Variants in ARHGEF4 observed in about 807,000 individuals in gnomAD.
ARHGEF4 encodes the protein APC-stimulated guanine nucleotide exchange factor 1.
ARHGEF4 carries 119 observed loss-of-function variants against 162.0 expected under a neutral mutation model. The ratio of observed to expected loss-of-function variants is 0.73; its 90% CI spans 0.63 to 0.86. The LOEUF is 0.86. Among genes scored for constraint, ARHGEF4 ranks in the 40% least tolerant of loss-of-function variants. ARHGEF4 has a pLI of 0.00. For missense variants in ARHGEF4, 2,488 were observed against 2,456.0 expected (o/e 1.01, Z -0.28); for synonymous variants, 1,014 against 979.9 (o/e 1.03, Z -0.65).
At position 130,916,613 on chromosome 2, in the gene ARHGEF4, C is replaced by T. The variant is rs1052025924; in HGVS notation, c.2667C>T (p.Ser889=). ...TSGDLGSRGP[S]SESCNAKRLK... is the part of the protein sequence containing the mutation. ...GGGATCTTGGTAGCCGAGGGCCTTC[C>T]TCTGAGAGCTGCAACGCAAAGAGAC... The change falls in exon 2 of 14, where the codon TCC becomes TCT. Residue 889 remains serine, a synonymous_variant. Coordinates refer to ENST00000409359, the MANE Select transcript of ARHGEF4 (RefSeq NM_001367493.1). 1.3e-6 allele frequency: 2 copies of T among 1,550,558 alleles called. No homozygotes were observed. The highest frequency in any genetic ancestry group is 3.9e-5 in the Admixed American group (2 of 51,006).
intron 4 of ARHGEF4, chr2:131,012,047 A>C: frequency 1.6e-6 from 1 of 644,936 alleles, no homozygotes. Flanking sequence ...ATCCTTGCCA[A>C]GATTTTTGTT....
intron 1 of ARHGEF4, among the ~76,000 whole-genome samples, chr2:130,864,286 T>G (rs1682105217): frequency 6.6e-6 from 1 of 151,900 alleles, no homozygotes; most frequent in Non-Finnish European, 1.5e-5. Context: ...CAGGAGCCAG[T>G]CACAAAGAAC....
At chr2:130,913,650 G>A (rs1681324004) in intron 1 of ARHGEF4, among the ~76,000 whole-genome samples, 1 of 152,184 alleles carries the variant, frequency 6.6e-6, no homozygotes, top group South Asian at 2.1e-4. Context: ...CCTTCTTGCT[G>A]AAAACGTTAG....
chr2:131,034,301 CACTG>C (rs1170715057), intron 5 of ARHGEF4, among the ~76,000 whole-genome samples: 1 of 152,228 alleles, frequency 6.6e-6, no homozygotes, highest in African/African-American at 2.4e-5. Context: ...CAGAAGGACA[CACTG>C]ACTGTACCTG....
chr2:130,937,162 C>T (rs987387850), intron 3 of ARHGEF4, among the ~76,000 whole-genome samples: 3 of 145,008 alleles, frequency 2.1e-5, no homozygotes, highest in Admixed American at 7.0e-5. Context: ...CTTCCCCCCT[C>T]GGCCTCCCAA....
intron 1 of ARHGEF4, among the ~76,000 whole-genome samples, chr2:130,900,631 G>A (rs1412901494): frequency 6.6e-6 from 1 of 152,046 alleles, no homozygotes; most frequent in Admixed American, 6.5e-5. Flanking sequence ...GCAGTTTTCT[G>A]GTGGCTGCTT....
At chr2:130,841,231 AT>A (rs1319647413) in intron 1 of ARHGEF4, among the ~76,000 whole-genome samples, 1 of 151,858 alleles carries the variant, frequency 6.6e-6, no homozygotes, top group Non-Finnish European at 1.5e-5. Flanking sequence ...TGCCTGACTA[AT>A]TTTTTGTATT....
intron 4 of ARHGEF4, among the ~76,000 whole-genome samples, chr2:131,002,047 T>G (rs958062223): frequency 6.6e-6 from 1 of 152,202 alleles, no homozygotes; most frequent in Admixed American, 6.5e-5. Context: ...TTTTCTGTAC[T>G]TTTTTGTATG....
At chr2:130,887,029 A>G (rs1679565189) in intron 1 of ARHGEF4, among the ~76,000 whole-genome samples, 1 of 152,038 alleles carries the variant, frequency 6.6e-6, no homozygotes, top group South Asian at 2.1e-4. Flanking sequence ...TATCTTGATT[A>G]CTGTCACTTT....
At chr2:130,909,566 G>A (rs1279003123) in intron 1 of ARHGEF4, among the ~76,000 whole-genome samples, 1 of 152,086 alleles carries the variant, frequency 6.6e-6, no homozygotes, top group East Asian at 1.9e-4. Flanking sequence ...ATTGATGGTG[G>A]TCATGGTTTC....
chr2:130,926,048 C>CTTTCTTTCTTTCTCTCTCTCTCTTTCTT, intron 2 of ARHGEF4, among the ~76,000 whole-genome samples: 18 of 53,452 alleles, frequency 3.4e-4, no homozygotes, highest in African/African-American at 9.8e-4. Context: ...TTCTTTCTTT[C>CTTTCTTTCTTTCTCTCTCTCTCTTTCTT]TCTTTCTTTC....
chr2:130,970,210 G>A (rs1685267236), intron 4 of ARHGEF4, among the ~76,000 whole-genome samples: 1 of 152,200 alleles, frequency 6.6e-6, no homozygotes, highest in Admixed American at 6.5e-5. Flanking sequence ...ATAAGAAACT[G>A]TCAACTCTTT....
intron 1 of ARHGEF4, chr2:130,837,578 C>T (rs1212092222): frequency 1.6e-5 from 7 of 449,230 alleles, no homozygotes; most frequent in Non-Finnish European, 2.7e-5. Flanking sequence ...CGCTCACCAT[C>T]CGGGACCCAC....
At chr2:131,007,372 T>C (rs1015961329) in intron 4 of ARHGEF4, among the ~76,000 whole-genome samples, 15 of 152,230 alleles carry the variant, frequency 9.9e-5, no homozygotes, top group Non-Finnish European at 1.8e-4. Context: ...CTTTAATATC[T>C]TTCTGGTACC....
At chr2:130,849,472 C>A (rs377298384) in intron 1 of ARHGEF4, among the ~76,000 whole-genome samples, 10 of 151,992 alleles carry the variant, frequency 6.6e-5, no homozygotes, top group African/African-American at 2.4e-4. Flanking sequence ...CAGGCTGTCC[C>A]AGGCTGCCTG....
At chr2:131,019,503 T>C (rs1688958274) in intron 4 of ARHGEF4, among the ~76,000 whole-genome samples, 1 of 151,670 alleles carries the variant, frequency 6.6e-6, no homozygotes, top group South Asian at 2.1e-4. Context: ...ATTAAGACTT[T>C]CAATTTATGA....
intron 4 of ARHGEF4, among the ~76,000 whole-genome samples, chr2:130,978,096 C>G (rs1459873110): frequency 6.6e-6 from 1 of 152,212 alleles, no homozygotes; most frequent in Non-Finnish European, 1.5e-5. Context: ...TCATATCAAA[C>G]AAATACAAGT....
At chr2:130,919,678 C>A (rs187861383) in intron 2 of ARHGEF4, among the ~76,000 whole-genome samples, 5 of 152,230 alleles carry the variant, frequency 3.3e-5, no homozygotes, top group African/African-American at 1.2e-4. Context: ...AAGTTCGAGA[C>A]CAGCCTGGCC....
At chr2:131,024,295 A>C (rs1296735236) in intron 4 of ARHGEF4, among the ~76,000 whole-genome samples, 1 of 152,132 alleles carries the variant, frequency 6.6e-6, no homozygotes, top group Admixed American at 6.5e-5. Context: ...GGGTGTTTTG[A>C]GACAGAATCT....
Sources: gnomAD v4.1 joint callset for allele counts (sites outside exome capture counted in the v4.1 genomes callset) on GRCh38, gnomAD v4.1.1 for gene constraint, MANE v1.5 for transcripts, NCBI Gene and HGNC (gene_info 2026-07-23, HGNC 2026-07-21) for gene names.